The following HUWE1 variants were observed in gnomAD, a reference collection of about 807,000 sequenced individuals.
HUWE1 encodes HECT, UBA and WWE domain containing E3 ubiquitin protein ligase 1.
A neutral mutation model predicts 299.4 loss-of-function variants in HUWE1; 18 were observed. That is an observed-to-expected ratio of 0.06 (90% CI 0.04 to 0.09). The LOEUF is 0.09. Ranked by LOEUF, HUWE1 falls within the 10% of genes least tolerant of loss-of-function variation. HUWE1 has a pLI of 1.00. For missense variants in HUWE1, 1,832 were observed against 3,462.3 expected, an observed-to-expected ratio of 0.53 and a Z score of 11.82; for synonymous variants, 1,317 against 1,286.1, an observed-to-expected ratio of 1.02 and a Z score of -0.51.
intron 3 of HUWE1, among the ~76,000 whole-genome samples, chrX:53,656,386 A>G (rs782444447): frequency 3.7e-5 from 4 of 107,644 alleles, no homozygotes; most frequent in Non-Finnish European, 7.7e-5. Flanking sequence ...AAATAAAAAA[A>G]AATAAATTAG....
At chrX:53,551,531 A>T (rs1227917199) in intron 63 of HUWE1, 51 bp from the exon 64 acceptor site, 1 of 1,072,394 alleles carries the variant, frequency 9.3e-7, no homozygotes, top group Non-Finnish European at 1.3e-6. Context: ...TAATTGCTTG[A>T]GACGGGGTCT....
At chrX:53,588,677 A>C in intron 36 of HUWE1, 143 bp from the exon 37 acceptor site, 1 of 567,817 alleles carries the variant, frequency 1.8e-6, no homozygotes, top group South Asian at 2.9e-5. Context: ...TATTTACCAT[A>C]GGGATTTAGA....
At chrX:53,628,168 C>A in intron 15 of HUWE1, among the ~76,000 whole-genome samples, 1 of 111,052 alleles carries the variant, frequency 9.0e-6, no homozygotes, top group African/African-American at 3.3e-5. Context: ...ACTACTACAA[C>A]ACAACTTACA....
In HUWE1 at chrX:53,559,456, G is replaced by C. The variant is rs1428603661; in HGVS notation, c.7813C>G (p.Arg2605Gly). 1 of 1,208,932 alleles carries C rather than the reference G, an allele frequency of 8.3e-7. No individual in the cohort carries two copies. Among genetic ancestry groups the C allele is most frequent in the Non-Finnish European group, 1.1e-6 (1 of 894,506 alleles). ...ACGTCATCGTTGCCTACCAGGAGGCGGGCCCGACCCCGGCTTTGTAGGGGA... is the reference window on the plus strand; with the variant it reads ...ACGTCATCGTTGCCTACCAGGAGGCCGGCCCGACCCCGGCTTTGTAGGGGA... Reference protein sequence around the residue: ...SLPLQSRGRARLLVGNDDVHI... With the variant: ...SLPLQSRGRAGLLVGNDDVHI... Residue 2605 changes from arginine to glycine, a missense_variant, in exon 57 of 84, where the codon CGC (arginine) becomes GGC (glycine). Arg to Gly is a moderately radical substitution (Grantham distance 125). Around this residue, in one of 15 missense-constraint regions of HUWE1, gnomAD observed 170 missense variants for 335.8 expected, o/e 0.51. Transcript: ENST00000262854.
At chrX:53,553,742 G>A (rs782242727) in intron 61 of HUWE1, among the ~76,000 whole-genome samples, 3 of 109,605 alleles carry the variant, frequency 2.7e-5, no homozygotes, top group East Asian at 2.9e-4. Flanking sequence ...CCTGGGTGGC[G>A]GAGGTTGCAG....
chrX:53,576,412 G>A (rs1324354741), intron 44 of HUWE1, among the ~76,000 whole-genome samples: 5 of 111,935 alleles, frequency 4.5e-5, no homozygotes, highest in Admixed American at 9.4e-5. Context: ...GGTCTCAACA[G>A]TTAGGAAACT....
chrX:53,590,547 G>C (rs782464385), intron 34 of HUWE1, 48 bp from the exon 35 acceptor site: 39 of 956,342 alleles, frequency 4.1e-5, no homozygotes, highest in Non-Finnish European at 5.9e-5. Context: ...TCAAAACAAA[G>C]AAACCCAACA....
intron 3 of HUWE1, among the ~76,000 whole-genome samples, chrX:53,661,010 C>T (rs2068973944): frequency 9.1e-6 from 1 of 109,811 alleles, no homozygotes; most frequent in Admixed American, 9.6e-5. Context: ...CTACCAAGTC[C>T]ATGCTTTAAT....
At position 53,609,057 on chromosome X, in the gene HUWE1, C is replaced by A. The variant is rs1556999563; in HGVS notation, c.2262-148G>T. 1.0e-5 allele frequency: 5 copies of A among 476,849 alleles called. No homozygotes were observed. In the South Asian group the frequency reaches 1.5e-4, roughly 14 times the overall value. The allele number at this position is 476,849 out of a possible 1,213,427, so 39.3% of individuals were successfully genotyped here. ...TTTTGAGACAGGGTCTTGCTGTCACCCAGGCTGGAGTGCAGTGGCACAATC... is the reference window on the plus strand; with the variant it reads ...TTTTGAGACAGGGTCTTGCTGTCACACAGGCTGGAGTGCAGTGGCACAATC... On this transcript the variant is annotated intron_variant, in intron 23 of 83. Transcript: ENST00000262854.
At chrX:53,538,094 C>T (rs149862698) in intron 77 of HUWE1, among the ~76,000 whole-genome samples, 1,259 of 111,517 alleles carry the variant, frequency 0.011, 23 homozygotes, top group African/African-American at 0.039. Context: ...ACTTTAGAAA[C>T]TGTGTGGTTC....
At chrX:53,536,003 T>A in intron 80 of HUWE1, 144 bp downstream of exon 80, 1 of 358,354 alleles carries the variant, frequency 2.8e-6, no homozygotes, top group South Asian at 2.9e-5. Flanking sequence ...GTGATGTCAC[T>A]CACAAACACC....
Position 53,538,866 on chromosome X carries a change from G to A in HUWE1, c.11847C>T (p.Pro3949=), listed in dbSNP as rs1402664973. The A allele has an allele frequency of 8.3e-6, 10 of 1,206,490 alleles. No homozygotes were observed. Among genetic ancestry groups the A allele is most frequent in the Middle Eastern group, 2.3e-4 (1 of 4,325 alleles). The change falls in exon 76 of 84, where the codon CCC becomes CCT. Residue 3949 remains proline (P), a synonymous_variant. Transcript: ENST00000262854. ...AGCGAAGGAACTTCTGTGTGTCAGG[G>A]GGCAGGCTTGAGGAGATGTGCATAG... ...PSSMHISSSL[P]PDTQKFLRFA...
At chrX:53,590,850 T>G (rs782512343) in intron 34 of HUWE1, 150 bp downstream of exon 34, 1 of 700,339 alleles carries the variant, frequency 1.4e-6, no homozygotes, top group Non-Finnish European at 2.1e-6. Context: ...AAAACTTCTG[T>G]TATTATGAAA....
rs782269957 is a variant in HUWE1 at position 53,538,459 on chromosome X, G to C, written c.11879-5C>G. The C allele has an allele frequency of 5.2e-6, 6 of 1,144,439 alleles. No homozygotes were observed. The highest frequency in any genetic ancestry group is 6.0e-6 in the Non-Finnish European group (5 of 836,067). The allele number at this position is 1,144,439 out of a possible 1,213,427, so 94.3% of individuals were successfully genotyped here. A position where few individuals can be genotyped will look rare whatever the true frequency, so the allele number is the denominator to read the frequency against. ...TTAACACAGTGCGGTGAGTCTCTGAGGGGAGAAGTGACAGCAGGAATTAAG... is the reference window on the plus strand; with the variant it reads ...TTAACACAGTGCGGTGAGTCTCTGACGGGAGAAGTGACAGCAGGAATTAAG... On this transcript the variant is annotated splice_region_variant and splice_polypyrimidine_tract_variant and intron_variant, in intron 76 of 83. Transcript: ENST00000262854.
chrX:53,600,089 A>G, intron 29 of HUWE1, 29 bp downstream of exon 29: 1 of 1,178,010 alleles, frequency 8.5e-7, no homozygotes, highest in Non-Finnish European at 1.2e-6. Context: ...TGAAAGCCAG[A>G]AAAGGTAGGA....
intron 3 of HUWE1, among the ~76,000 whole-genome samples, chrX:53,656,411 G>A (rs782605019): frequency 1.9e-5 from 2 of 105,459 alleles, no homozygotes; most frequent in East Asian, 3.0e-4. Flanking sequence ...GCGTGGTGGC[G>A]AGCACCTGTA....
intron 3 of HUWE1, among the ~76,000 whole-genome samples, chrX:53,668,120 T>C (rs1365333579): frequency 9.0e-6 from 1 of 110,731 alleles, no homozygotes; most frequent in Non-Finnish European, 1.9e-5. Context: ...GTCCTTGGGT[T>C]TGCAGAGAAA....
intron 71 of HUWE1, 23 bp from the exon 72 acceptor site, chrX:53,544,785 G>C (rs374666231): frequency 1.4e-5 from 16 of 1,130,101 alleles, no homozygotes; most frequent in African/African-American, 3.6e-5. Context: ...GAGGTGGCTT[G>C]CGTATATTGA....
chrX:53,582,403 A>G (rs2063665156), intron 42 of HUWE1, among the ~76,000 whole-genome samples: 1 of 112,429 alleles, frequency 8.9e-6, no homozygotes, highest in South Asian at 3.7e-4. Context: ...AGGTGAAATC[A>G]AGCAGGCTGT....
Sources: allele counts gnomAD v4.1 joint callset (sites outside exome capture counted in the v4.1 genomes callset), GRCh38; gene constraint gnomAD v4.1.1; regional missense constraint gnomAD v4.1.1; transcripts MANE v1.5; gene names NCBI Gene and HGNC (gene_info 2026-07-23, HGNC 2026-07-21).